Variants in ABCB5 observed in about 807,000 individuals in gnomAD.
The protein encoded by ABCB5 is ATP binding cassette subfamily B member 5.
Under a neutral mutation model 144.2 loss-of-function variants are expected in ABCB5, and 155 were observed. That is an observed-to-expected ratio of 1.08 (90% CI 0.94 to 1.23). The LOEUF (loss-of-function observed/expected upper bound fraction) is 1.23. Ranked by LOEUF, ABCB5 falls within the 50% of genes most tolerant of loss-of-function variation. The pLI is 0.00. For missense variants in ABCB5, 1,830 were observed against 1,520.8 expected (o/e 1.20, Z -3.38); for synonymous variants, 610 against 528.6 (o/e 1.15, Z -2.11).
At chr7:20,655,203 C>A (rs12700226) in intron 13 of ABCB5, among the ~76,000 whole-genome samples, 28,976 of 151,948 alleles carry the variant, frequency 0.19, 2,937 homozygotes, top group African/African-American at 0.25. Flanking sequence ...CATTTTTTGA[C>A]ATAAAGTCCT....
chr7:20,754,891 T>C (rs1443953726), intron 27 of ABCB5, among the ~76,000 whole-genome samples: 1 of 152,232 alleles, frequency 6.6e-6, no homozygotes, highest in East Asian at 1.9e-4. Flanking sequence ...ATTTCATTTT[T>C]ATTCATTCTC....
chr7:20,624,022 G>A (rs566872408), intron 2 of ABCB5, among the ~76,000 whole-genome samples: 1 of 152,258 alleles, frequency 6.6e-6, no homozygotes, highest in African/African-American at 2.4e-5. Context: ...GGAACATTTT[G>A]AAAATCAAAA....
At chr7:20,647,785 T>G (rs1784455188) in intron 10 of ABCB5, 137 bp downstream of exon 10, 2 of 1,353,440 alleles carry the variant, frequency 1.5e-6, no homozygotes, top group Non-Finnish European at 2.0e-6. Flanking sequence ...AAAGAGAGAC[T>G]GCCTTTAATT....
intron 16 of ABCB5, among the ~76,000 whole-genome samples, chr7:20,690,701 A>G (rs183454259): frequency 6.6e-6 from 1 of 152,314 alleles, no homozygotes; most frequent in East Asian, 1.9e-4. Context: ...GAAATAAAAT[A>G]TAGATGGATA....
intron 16 of ABCB5, among the ~76,000 whole-genome samples, chr7:20,698,069 C>A (rs1415649333): frequency 6.6e-6 from 1 of 152,076 alleles, no homozygotes; most frequent in East Asian, 1.9e-4. Flanking sequence ...ATATTCCATC[C>A]AGTTTAACAA....
intron 14 of ABCB5, among the ~76,000 whole-genome samples, chr7:20,663,967 C>T (rs940680599): frequency 3.3e-5 from 5 of 151,730 alleles, no homozygotes; most frequent in South Asian, 2.1e-4. Context: ...CCACGCGCCT[C>T]GGCCTCCCAA....
chr7:20,708,193 A>T (rs547840509), intron 20 of ABCB5, among the ~76,000 whole-genome samples: 4 of 152,304 alleles, frequency 2.6e-5, no homozygotes, highest in African/African-American at 7.2e-5. Context: ...TTGCCATGGA[A>T]ATGACTTTTC....
chr7:20,715,450 AC>A (rs1448526643), intron 20 of ABCB5, among the ~76,000 whole-genome samples: 3 of 151,880 alleles, frequency 2.0e-5, no homozygotes, highest in African/African-American at 7.3e-5. Flanking sequence ...TCACTCTGTC[AC>A]CCAAGTTAGA....
chr7:20,673,988 T>A (rs945790389), intron 14 of ABCB5, among the ~76,000 whole-genome samples: 1 of 151,980 alleles, frequency 6.6e-6, no homozygotes, highest in East Asian at 1.9e-4. Flanking sequence ...TAAGACAATC[T>A]ACCTTCAAGT....
rs368868672 is a variant in ABCB5, at chr7:20,658,996, C to T, written c.1707+320C>T. On this transcript the variant is annotated intron_variant, in intron 14 of 27. Coordinates refer to ENST00000404938, the MANE Select transcript of ABCB5 (RefSeq NM_001163941.2). ...CCCACCACTATCATCACTATTATAA[C>T]CATGCCCACCCTTTGCTTCTTCTAC... 4 of 1,544,086 alleles carry T rather than the reference C, an allele frequency of 2.6e-6. No homozygotes were observed. In the African/African-American group the frequency reaches 5.5e-5, roughly 21 times the overall value.
intron 16 of ABCB5, among the ~76,000 whole-genome samples, chr7:20,691,582 T>TTTTATTTGTTTATTTA (rs1554285337): frequency 1.1e-4 from 16 of 146,808 alleles, no homozygotes; most frequent in Non-Finnish European, 2.1e-4. Context: ...TTAAATTCAT[T>TTTTATTTGTTTATTTA]TTTATTTATT....
intron 23 of ABCB5, among the ~76,000 whole-genome samples, chr7:20,735,631 C>A (rs1782357698): frequency 6.6e-6 from 1 of 152,056 alleles, no homozygotes; most frequent in African/African-American, 2.4e-5. Flanking sequence ...ACTGAAGGGA[C>A]CTAAAGAAGA....
At chr7:20,660,559 T>C (rs1424303817) in intron 14 of ABCB5, among the ~76,000 whole-genome samples, 1 of 152,120 alleles carries the variant, frequency 6.6e-6, no homozygotes, top group African/African-American at 2.4e-5. Context: ...ATGGAAGCTG[T>C]AGCACCATGA....
At chr7:20,749,031 C>T (rs1451585765) in intron 26 of ABCB5, among the ~76,000 whole-genome samples, 3 of 152,026 alleles carry the variant, frequency 2.0e-5, no homozygotes, top group Non-Finnish European at 2.9e-5. Context: ...TCCCTGTCTT[C>T]CTTCCTTTCT....
At chr7:20,616,206 T>C (rs1783680869) in intron 1 of ABCB5, among the ~76,000 whole-genome samples, 1 of 152,208 alleles carries the variant, frequency 6.6e-6, no homozygotes, top group South Asian at 2.1e-4. Context: ...CAGCTAATTT[T>C]TTTATTTTTA....
chr7:20,667,716 C>T lies in ABCB5; in HGVS notation c.1707+9040C>T, dbSNP rs145908718. Among the ~76,000 whole-genome samples the T allele has an allele frequency of 2.4e-3, 50 of 20,470 alleles. 3 individuals carry two copies. Among genetic ancestry groups the T allele is most frequent in the East Asian group, 9.0e-3 (3 of 332 alleles). The allele number at this position is 20,470 out of a possible 152,430, so 13.4% of individuals were successfully genotyped here. On this transcript the variant is annotated intron_variant, in intron 14 of 27. Coordinates refer to ENST00000404938, the MANE Select transcript of ABCB5 (RefSeq NM_001163941.2). ...CCCTGCCCCTGCCCCTGCCCCTGCC[C>T]CTGCCCCTGCCCCTGCCTCTGCCTC...
intron 20 of ABCB5, among the ~76,000 whole-genome samples, chr7:20,707,478 C>T (rs1278844269): frequency 1.3e-5 from 2 of 152,146 alleles, no homozygotes; most frequent in Non-Finnish European, 2.9e-5. Flanking sequence ...TTAATTAAAG[C>T]TAAAAGCCAT....
intron 1 of ABCB5, among the ~76,000 whole-genome samples, chr7:20,622,746 T>C (rs188396826): frequency 6.6e-6 from 1 of 152,112 alleles, no homozygotes; most frequent in East Asian, 1.9e-4. Flanking sequence ...TAATGATGAA[T>C]GGATTTTCAA....
At chr7:20,696,672 C>T (rs997395961) in intron 16 of ABCB5, among the ~76,000 whole-genome samples, 1 of 151,992 alleles carries the variant, frequency 6.6e-6, no homozygotes, top group East Asian at 1.9e-4. Flanking sequence ...TTTTAATACT[C>T]GTCATATCTC....
Sources: allele counts gnomAD v4.1 joint callset (sites outside exome capture counted in the v4.1 genomes callset), GRCh38; gene constraint gnomAD v4.1.1; transcripts MANE v1.5; gene names NCBI Gene and HGNC (gene_info 2026-07-23, HGNC 2026-07-21).